LTV1: variants seen among roughly 807,000 people sequenced by gnomAD.
LTV1 encodes the protein protein LTV1 homolog.
LTV1 carries 39 observed loss-of-function variants against 59.9 expected under a neutral mutation model. The observed-to-expected ratio is 0.65, with a 90% confidence interval of 0.50 to 0.85. The LOEUF is 0.85. LTV1 is among the 40% of genes least tolerant of loss of function. LTV1 has a pLI of 0.00. For missense variants in LTV1, 493 were observed against 549.1 expected, an observed-to-expected ratio of 0.90 and a Z score of 1.02; for synonymous variants, 171 against 189.5, an observed-to-expected ratio of 0.90 and a Z score of 0.80.
chr6:143,853,672 G>C (rs1422142608), intron 4 of LTV1, among the ~76,000 whole-genome samples: 7 of 152,118 alleles, frequency 4.6e-5, no homozygotes, highest in Non-Finnish European at 1.0e-4. Flanking sequence ...AGAGTTTTTA[G>C]CATGAAGGGG....
rs1190161926 is a variant in LTV1 at position 143,857,477 on chromosome 6, G to A, written c.539+33G>A. On this transcript the variant is annotated intron_variant, in intron 5 of 10. Coordinates refer to ENST00000367576, the MANE Select transcript of LTV1 (RefSeq NM_032860.5). This position sits in a 1 kb window ranked among gnomAD's most constrained non-coding sequence, Gnocchi z 5.2. ...TGGTTTGTTTCAAAGCAGAGATGAT[G>A]ACCTAAGTGTTACTGCTTCAGTGGG... 3 of 1,571,662 alleles carry A rather than the reference G, an allele frequency of 1.9e-6. No homozygotes were observed. The highest frequency in any genetic ancestry group is 1.8e-6 in the Non-Finnish European group (2 of 1,142,614).
intron 6 of LTV1, 61 bp from the exon 7 acceptor site, chr6:143,860,365 G>A (rs1220570859): frequency 4.0e-6 from 6 of 1,492,146 alleles, no homozygotes; most frequent in South Asian, 1.3e-5. Flanking sequence ...AAATTTTTAA[G>A]TGTGTAGTCT....
Position 143,860,465 on chromosome 6 carries a change from GATA to G in LTV1, c.838_840del (p.Asn280del). ...TGATGATGATGAAATTGGAGCTCTG[GATA>G]ATGCAGAATTGGAAGGTTCTATTCA... is the stretch of plus-strand genomic sequence containing the variant. On this transcript the variant is annotated inframe_deletion, in exon 7 of 11. Transcript: ENST00000367576. 6.2e-7 allele frequency: 1 copy of G among 1,613,516 alleles called. No homozygotes were observed. Among genetic ancestry groups the G allele is most frequent in the Non-Finnish European group, 8.5e-7 (1 of 1,179,692 alleles).
chr6:143,858,871 G>A (rs1412391758), intron 6 of LTV1, among the ~76,000 whole-genome samples: 3 of 152,068 alleles, frequency 2.0e-5, no homozygotes, highest in African/African-American at 4.8e-5. Context: ...TGAAAACAGC[G>A]TATCTCTTTA....
intron 4 of LTV1, among the ~76,000 whole-genome samples, chr6:143,853,854 A>G (rs1777029940): frequency 6.6e-6 from 1 of 152,146 alleles, no homozygotes; most frequent in African/African-American, 2.4e-5. Flanking sequence ...TTGTTTTGCC[A>G]GTTTTTTATT....
At position 143,862,149 on chromosome 6, in the gene LTV1, G is replaced by A; in HGVS notation, c.969G>A (p.Leu323=). 1.2e-6 allele frequency: 2 copies of A among 1,614,026 alleles called. No individual in the cohort carries two copies. Among genetic ancestry groups the A allele is most frequent in the Non-Finnish European group, 1.7e-6 (2 of 1,179,900 alleles). Residue 323 remains leucine, a synonymous_variant, in exon 8 of 11, where the codon CTG becomes CTA. Coordinates refer to ENST00000367576, the MANE Select transcript of LTV1 (RefSeq NM_032860.5). The surrounding 1 kb of genome is among the most constrained non-coding windows in gnomAD (Gnocchi z 4.2). ...TTGAACCCTTGGAGGATCAAGACCT[G>A]CCAATGAATGAGCTTGATGAGTCTG... ...NTLEPLEDQD[L]PMNELDESEE... is the part of the protein sequence containing the mutation.
intron 7 of LTV1, 66 bp downstream of exon 7, chr6:143,860,619 A>G: frequency 1.4e-6 from 2 of 1,446,188 alleles, no homozygotes; most frequent in Non-Finnish European, 9.3e-7. Context: ...TTCCAAAGAA[A>G]GGTCTATAGT....
In LTV1 at chr6:143,855,704, C is replaced by T. The variant is rs1310231633; in HGVS notation, c.398-1599C>T. 2.0e-5 allele frequency among the ~76,000 whole-genome samples: 3 copies of T among 152,148 alleles called. No homozygotes were observed. Among genetic ancestry groups the T allele is most frequent in the East Asian group, 3.9e-4 (2 of 5,188 alleles). On this transcript the variant is annotated intron_variant, in intron 4 of 10. Transcript: ENST00000367576. This position sits in a 1 kb window ranked among gnomAD's most constrained non-coding sequence, Gnocchi z 4.6. ...TTTTATTTCTCCTTCACTTACAAAA[C>T]TTAATTTGGCTGGATATGAGATTCT...
chr6:143,845,842 C>T (rs929570141), intron 2 of LTV1, among the ~76,000 whole-genome samples: 3 of 152,178 alleles, frequency 2.0e-5, no homozygotes, highest in African/African-American at 4.8e-5. Context: ...TTTAATGTTA[C>T]GTAGCACTCT....
intron 3 of LTV1, among the ~76,000 whole-genome samples, chr6:143,848,906 G>T (rs1194506383): frequency 6.6e-6 from 1 of 152,138 alleles, no homozygotes; most frequent in Non-Finnish European, 1.5e-5. Context: ...GCACATGCGC[G>T]CCAAGTAAAG....
At chr6:143,852,431 C>T (rs1402146973) in intron 4 of LTV1, among the ~76,000 whole-genome samples, 3 of 151,778 alleles carry the variant, frequency 2.0e-5, no homozygotes, top group African/African-American at 4.8e-5. Flanking sequence ...TTGTTTTTTT[C>T]TTGTAAATTT....
In LTV1 at chr6:143,857,935, G is replaced by A. The variant is rs777519477; in HGVS notation, c.723G>A (p.Thr241=). Reference sequence around the variant, plus strand: ...GTGAGGAAACAAAGAGTCGCTTCACGGAGTATTCGATGACTTCCTCAGTCA... The same window carrying A: ...GTGAGGAAACAAAGAGTCGCTTCACAGAGTATTCGATGACTTCCTCAGTCA... ...FWSEETKSRF[T]EYSMTSSVMR... Residue 241 remains threonine (T), a synonymous_variant, in exon 6 of 11, where the codon ACG becomes ACA. Transcript: ENST00000367576. This position sits in a 1 kb window ranked among gnomAD's most constrained non-coding sequence, Gnocchi z 5.2. 16 of 1,613,948 alleles carry A rather than the reference G, an allele frequency of 9.9e-6. No individual in the cohort carries two copies. The highest frequency in any genetic ancestry group is 1.6e-4 in the Middle Eastern group (1 of 6,084).
intron 6 of LTV1, among the ~76,000 whole-genome samples, chr6:143,859,846 A>G (rs531660903): frequency 3.3e-5 from 5 of 152,352 alleles, no homozygotes; most frequent in East Asian, 1.9e-4. Context: ...TCTCGTGCCT[A>G]TAATCTCAGA....
At chr6:143,854,202 A>G (rs1777036713) in intron 4 of LTV1, among the ~76,000 whole-genome samples, 1 of 152,130 alleles carries the variant, frequency 6.6e-6, no homozygotes, top group Admixed American at 6.5e-5. Context: ...CCAGGAATTT[A>G]TCCATTTCTT....
rs1712172389 is a variant in LTV1 at position 143,846,080 on chromosome 6, G to C, written c.165G>C (p.Gln55His). The C allele has an allele frequency of 1.2e-6, 2 of 1,614,196 alleles. No homozygotes were observed. The highest frequency in any genetic ancestry group is 1.7e-6 in the Non-Finnish European group (2 of 1,180,022). The change falls in exon 3 of 11, where the codon CAG becomes CAC. Residue 55 changes from glutamine (Q) to histidine (H), a missense_variant. By Grantham distance (24) the Gln-to-His change is conservative. Transcript: ENST00000367576. ...ACAATGAAGAAAGGCGAGCAGAACA[G>C]AGGAAGTATGGAGTGTTCTTTGATG... Reference protein sequence around the residue: ...KIDNEERRAEQRKYGVFFDDD... With the variant: ...KIDNEERRAEHRKYGVFFDDD...
chr6:143,861,394 C>T (rs1355476664), intron 7 of LTV1, among the ~76,000 whole-genome samples: 1 of 150,582 alleles, frequency 6.6e-6, no homozygotes, highest in Non-Finnish European at 1.5e-5. Flanking sequence ...GAGATAGCAC[C>T]ACTGCTTCCA....
chr6:143,863,499 A>G lies in LTV1; in HGVS notation c.1400A>G (p.Lys467Arg), dbSNP rs146841054. ...CAAGAAAAAGAGCTGCTGAACTTGA[A>G]GAAGAATGTTGAGGGTCTAAAGCTA... ...RRQEKELLNL[K>R]KNVEGLKL Residue 467 changes from lysine to arginine, a missense_variant, in exon 11 of 11, where the codon AAG (lysine) becomes AGG (arginine). By Grantham distance (26) the Lys-to-Arg change is conservative (BLOSUM62 2). Coordinates refer to ENST00000367576, the MANE Select transcript of LTV1 (RefSeq NM_032860.5). The surrounding 1 kb of genome is among the most constrained non-coding windows in gnomAD (Gnocchi z 4.5). 1.4e-4 allele frequency: 225 copies of G among 1,613,500 alleles called. No individual in the cohort carries two copies. The highest frequency in any genetic ancestry group is 1.8e-4 in the Non-Finnish European group (208 of 1,179,796).
chr6:143,846,087 T>C lies in LTV1; in HGVS notation c.172T>C (p.Tyr58His), dbSNP rs1191699366. The C allele has an allele frequency of 2.5e-6, 4 of 1,614,154 alleles. No homozygotes were observed. The highest frequency in any genetic ancestry group is 3.4e-6 in the Non-Finnish European group (4 of 1,180,016). The stretch of plus-strand genomic sequence containing the variant: ...AGAAAGGCGAGCAGAACAGAGGAAG[T>C]ATGGAGTGTTCTTTGATGACGACTA... ...NEERRAEQRK[Y>H]GVFFDDDYDY... is the part of the protein sequence containing the mutation. Residue 58 changes from tyrosine (Y) to histidine (H), a missense_variant, in exon 3 of 11, where the codon TAT becomes CAT. Tyr to His is a moderately conservative substitution (Grantham distance 83). Coordinates refer to ENST00000367576, the MANE Select transcript of LTV1 (RefSeq NM_032860.5).
chr6:143,862,817 A>G lies in LTV1; in HGVS notation c.1064-27A>G. The G allele has an allele frequency of 7.2e-7, 1 of 1,393,376 alleles. No homozygotes were observed. Among genetic ancestry groups the G allele is most frequent in the Non-Finnish European group, 1.0e-6 (1 of 979,416 alleles). The allele number at this position is 1,393,376 out of a possible 1,614,324, so 86.3% of individuals were successfully genotyped here. A position where few individuals can be genotyped will look rare whatever the true frequency, so the allele number is the denominator to read the frequency against. On this transcript the variant is annotated intron_variant, in intron 8 of 10. Coordinates refer to ENST00000367576, the MANE Select transcript of LTV1 (RefSeq NM_032860.5). The surrounding 1 kb of genome is among the most constrained non-coding windows in gnomAD (Gnocchi z 4.2). Reference sequence around the variant, plus strand: ...TGTGGAACTGAAAACATGCTTACTGATACATGACTTTTATTTGTTTGTTTA... The same window carrying G: ...TGTGGAACTGAAAACATGCTTACTGGTACATGACTTTTATTTGTTTGTTTA...
Sources: gnomAD v4.1 joint callset for allele counts (sites outside exome capture counted in the v4.1 genomes callset) on GRCh38, gnomAD v4.1.1 for gene constraint, Gnocchi (gnomAD v3.1) non-coding constraint, MANE v1.5 for transcripts, NCBI Gene and HGNC (gene_info 2026-07-23, HGNC 2026-07-21) for gene names.